CD5L: variants seen among roughly 807,000 people sequenced by gnomAD.
CD5L encodes CD5 molecule like.
In CD5L, 39 loss-of-function variants were observed where a neutral mutation model predicts 40.8. The ratio of observed to expected loss-of-function variants is 0.96; its 90% CI spans 0.74 to 1.25. The LOEUF (loss-of-function observed/expected upper bound fraction) is 1.25, where lower values mean the gene tolerates loss of function less well. Among genes scored for constraint, CD5L ranks in the 50% most tolerant of loss-of-function variants. The pLI is 0.00. For missense variants in CD5L, 433 were observed against 435.9 expected (o/e 0.99, Z 0.06); for synonymous variants, 192 against 169.6 (o/e 1.13, Z -1.03).
At chr1:157,835,811 G>A in intron 3 of CD5L, 24 bp downstream of exon 3, 1 of 1,577,232 alleles carries the variant, frequency 6.3e-7, no homozygotes. Flanking sequence ...CTGGCAAGTG[G>A]TCCGGGACCC....
intron 2 of CD5L, among the ~76,000 whole-genome samples, chr1:157,837,624 G>C (rs1395660078): frequency 6.6e-6 from 1 of 152,120 alleles, no homozygotes; most frequent in African/African-American, 2.4e-5. Flanking sequence ...GGGCCACATG[G>C]GATGACCCAG....
downstream of CD5L, among the ~76,000 whole-genome samples, chr1:157,828,989 A>G (rs1655974634): frequency 1.3e-5 from 2 of 152,196 alleles, no homozygotes; most frequent in South Asian, 2.1e-4. Context: ...ATGGAGATCT[A>G]ATAGGCATCA....
At position 157,841,757 on chromosome 1, in the gene CD5L, A is replaced by T; in HGVS notation, c.-56T>A. 6.6e-7 allele frequency: 1 copy of T among 1,505,174 alleles called. No individual in the cohort carries two copies. The highest frequency in any genetic ancestry group is 9.2e-7 in the Non-Finnish European group (1 of 1,085,434). The allele number at this position is 1,505,174 out of a possible 1,614,324, so 93.2% of individuals were successfully genotyped here. On this transcript the variant is annotated 5_prime_UTR_variant, in exon 1 of 6. In the 5' UTR this introduces an upstream ATG that the reference lacks. Transcript: ENST00000368174. The stretch of plus-strand genomic sequence containing the variant: ...ATTTAAGGCTAGAAGGAGGTCCCCA[A>T]GCAGCAATATTTAGTTTTAGCTGCA...
At chr1:157,830,356 TTC>T (rs139078599), downstream of CD5L, among the ~76,000 whole-genome samples, 56,953 of 151,928 alleles carry the variant, frequency 0.37, 12,522 homozygotes, top group Non-Finnish European at 0.48. Flanking sequence ...CAGAAATTCA[TTC>T]TCTCTTCAGT....
In CD5L at chr1:157,836,077, C is replaced by A. The variant is rs777672360; in HGVS notation, c.134G>T (p.Trp45Leu). 1.9e-6 allele frequency: 3 copies of A among 1,614,138 alleles called. No homozygotes were observed. In the Admixed American group the frequency reaches 5.0e-5, roughly 27 times the overall value. ...CCAGCCGTCATCACACACGGTGCCC[C>A]ACTGGCCTTTCTGTTCCACCTCCAC... Reference protein sequence around the residue: ...GRVEVEQKGQWGTVCDDGWDI... With the variant: ...GRVEVEQKGQLGTVCDDGWDI... The change falls in exon 3 of 6, where the codon TGG becomes TTG. Residue 45 changes from tryptophan to leucine, a missense_variant. Trp to Leu is a moderately conservative substitution (Grantham distance 61). Coordinates refer to ENST00000368174, the MANE Select transcript of CD5L (RefSeq NM_005894.3).
chr1:157,831,440 GAA>G lies in CD5L; in HGVS notation c.*522_*523del, dbSNP rs75445239. On this transcript the variant is annotated 3_prime_UTR_variant, in exon 6 of 6. Transcript: ENST00000368174. ...CTATTGTGGTCACCTGAAGCTTGAG[GAA>G]AAAAAAAAAAAGTAGTCCAATCAAA... The G allele has an allele frequency of 2.0e-5, 16 of 794,386 alleles. No homozygotes were observed. Among genetic ancestry groups the G allele is most frequent in the South Asian group, 5.8e-5 (1 of 17,294 alleles). The allele number at this position is 794,386 out of a possible 1,614,324, so 49.2% of individuals were successfully genotyped here.
intron 5 of CD5L, among the ~76,000 whole-genome samples, chr1:157,832,991 T>C (rs1430520600): frequency 2.0e-5 from 3 of 152,132 alleles, no homozygotes; most frequent in Non-Finnish European, 2.9e-5. Context: ...GCCCTACCTC[T>C]ACCCACCAGC....
chr1:157,837,771 A>ATTTTTT (rs55700960), intron 2 of CD5L, among the ~76,000 whole-genome samples: 4 of 111,626 alleles, frequency 3.6e-5, no homozygotes, highest in Admixed American at 2.7e-4. Context: ...TAATCTAGCT[A>ATTTTTT]TTTTTTTTTT....
chr1:157,832,005 A>T (rs918175110), intron 5 of CD5L, 37 bp from the exon 6 acceptor site: 1 of 1,473,224 alleles, frequency 6.8e-7, no homozygotes, highest in African/African-American at 1.4e-5. Context: ...AAGGATGGGT[A>T]TAGTCCAGGA....
At chr1:157,841,243 A>G (rs1253403635) in intron 1 of CD5L, among the ~76,000 whole-genome samples, 1 of 152,226 alleles carries the variant, frequency 6.6e-6, no homozygotes, top group African/African-American at 2.4e-5. Context: ...TGAGAAACTG[A>G]AGAAAACTAG....
rs1342499245 is a variant in CD5L, at chr1:157,831,528, T to A, written c.*436A>T. Reference sequence around the variant, plus strand: ...GTCTACCCACATTTTCTTTCAAATGTTCCTTTCATTGTTTCATTCCTTTAA... The same window carrying A: ...GTCTACCCACATTTTCTTTCAAATGATCCTTTCATTGTTTCATTCCTTTAA... On this transcript the variant is annotated 3_prime_UTR_variant, in exon 6 of 6. Coordinates refer to ENST00000368174, the MANE Select transcript of CD5L (RefSeq NM_005894.3). 1 of 992,308 alleles carries A rather than the reference T, an allele frequency of 1.0e-6. No individual in the cohort carries two copies. Among genetic ancestry groups the A allele is most frequent in the Non-Finnish European group, 1.2e-6 (1 of 834,776 alleles). 61.5% of individuals were successfully genotyped at this position (992,308 alleles called of 1,614,324 possible).
downstream of CD5L, among the ~76,000 whole-genome samples, chr1:157,827,880 A>G (rs1236622429): frequency 2.0e-5 from 3 of 152,228 alleles, no homozygotes; most frequent in African/African-American, 7.2e-5. Flanking sequence ...GGCAATCATA[A>G]CTTAGTTGCA....
In CD5L at chr1:157,831,205, G is replaced by A. The variant is rs965513503; in HGVS notation, c.*759C>T. On this transcript the variant is annotated 3_prime_UTR_variant, in exon 6 of 6. Coordinates refer to ENST00000368174, the MANE Select transcript of CD5L (RefSeq NM_005894.3). ...ACCAATATATTTTTCTTTGAATAAA[G>A]TAAAATGTATTTTTGACATTCCTCT... The A allele has an allele frequency of 4.1e-6, 4 of 985,074 alleles. No individual in the cohort carries two copies. The African/African-American group carries it at 7.0e-5, about 17-fold the overall frequency. The allele number at this position is 985,074 out of a possible 1,614,324, so 61.0% of individuals were successfully genotyped here.
intron 2 of CD5L, 77 bp downstream of exon 2, chr1:157,839,303 TTCTC>T (rs1656299520): frequency 1.5e-6 from 2 of 1,364,420 alleles, no homozygotes; most frequent in Admixed American, 1.7e-5. Context: ...GAACAAGTCT[TTCTC>T]TGTGGCTCAA....
Position 157,841,800 on chromosome 1 carries a change from G to T in CD5L, c.-99C>A. 1.0e-6 allele frequency: 1 copy of T among 981,788 alleles called. No individual in the cohort carries two copies. Among genetic ancestry groups the T allele is most frequent in the South Asian group, 1.4e-5 (1 of 71,216 alleles). The allele number at this position is 981,788 out of a possible 1,614,324, so 60.8% of individuals were successfully genotyped here. On this transcript the variant is annotated 5_prime_UTR_variant, in exon 1 of 6. Transcript: ENST00000368174. ...TAGCTGCAAGTATGTTAAGAGGAGG[G>T]ACAAAGACAGGTCCTGAGTGCAGGC...
chr1:157,839,253 G>A, intron 2 of CD5L, 131 bp downstream of exon 2: 1 of 846,700 alleles, frequency 1.2e-6, no homozygotes. Flanking sequence ...CTGAGTGGGT[G>A]AGGTAGGAAG....
chr1:157,834,356 C>T, intron 4 of CD5L, 51 bp downstream of exon 4: 2 of 1,443,402 alleles, frequency 1.4e-6, no homozygotes, highest in Non-Finnish European at 1.9e-6. Flanking sequence ...AATGAGATTC[C>T]ACATAATTAA....
Position 157,834,446 on chromosome 1 carries a change from T to A in CD5L, c.679A>T (p.Thr227Ser), listed in dbSNP as rs1656138145. ...DCPSGPWGKN[T>S]CNHDEDTWVE... ...CACGTGTCTTCATCATGGTTGCAGG[T>A]GTTCTTCCCCCAAGGCCCAGAAGGG... Residue 227 changes from threonine to serine, a missense_variant, in exon 4 of 6, where the codon ACC becomes TCC. Coordinates refer to ENST00000368174, the MANE Select transcript of CD5L (RefSeq NM_005894.3). 1 of 1,614,032 alleles carries A rather than the reference T, an allele frequency of 6.2e-7. No homozygotes were observed. The highest frequency in any genetic ancestry group is 8.5e-7 in the Non-Finnish European group (1 of 1,179,998).
At chr1:157,838,951 T>C (rs140976966) in intron 2 of CD5L, among the ~76,000 whole-genome samples, 60 of 152,340 alleles carry the variant, frequency 3.9e-4, no homozygotes, top group African/African-American at 1.4e-3. Flanking sequence ...GCTCTGCTGG[T>C]CAAGCTATGT....
Sources: allele counts gnomAD v4.1 joint callset (sites outside exome capture counted in the v4.1 genomes callset), GRCh38; gene constraint gnomAD v4.1.1; transcripts MANE v1.5; gene names NCBI Gene and HGNC (gene_info 2026-07-23, HGNC 2026-07-21).